ANKRD24: variants seen among roughly 807,000 people sequenced by gnomAD.
ANKRD24 encodes ankyrin repeat domain-containing protein 24.
ANKRD24 carries 109 observed loss-of-function variants against 127.8 expected under a neutral mutation model. That is an observed-to-expected ratio of 0.85 (90% confidence interval 0.73 to 1.00). The LOEUF (loss-of-function observed/expected upper bound fraction) is 1.00, where lower values mean the gene tolerates loss of function less well. Ranked by LOEUF, ANKRD24 falls within the 50% of genes least tolerant of loss-of-function variation. The probability of loss-of-function intolerance (pLI) is 0.00; values close to 1 mark genes in which losing one functional copy is unlikely to be tolerated. For synonymous variants in ANKRD24, 743 were observed against 671.1 expected (o/e 1.11, Z -1.66); for missense variants, 1,648 against 1,570.2 (o/e 1.05, Z -0.84).
chr19:4,199,879 A>G lies in ANKRD24; in HGVS notation c.128A>G (p.Gln43Arg). 6.4e-7 allele frequency: 1 copy of G among 1,570,748 alleles called. No homozygotes were observed. The highest frequency in any genetic ancestry group is 8.6e-7 in the Non-Finnish European group (1 of 1,158,974). ...ACTTCTGGGCGTGCCCTGCAGAGTC[A>G]AGACTGGGGCAAGAGTGACGAGAGG... ...KPAARGRRQS[Q>R]DWGKSDERLL... Residue 43 changes from glutamine (Q) to arginine (R), a missense_variant, in exon 4 of 22, where the codon CAA becomes CGA. By Grantham distance (43) the Gln-to-Arg change is conservative. Transcript: ENST00000318934. This position sits in a 1 kb window ranked among gnomAD's most constrained non-coding sequence, Gnocchi z 5.2.
chr19:4,184,936 A>G (rs1277018719), intron 1 of ANKRD24, among the ~76,000 whole-genome samples: 8 of 126,644 alleles, frequency 6.3e-5, no homozygotes, highest in Non-Finnish European at 1.3e-4. Context: ...GGAAGGATCC[A>G]TGGATGGACT....
chr19:4,208,982 A>C, intron 11 of ANKRD24, 181 bp downstream of exon 11: 36 of 517,824 alleles, frequency 7.0e-5, no homozygotes, highest in East Asian at 2.5e-4. Flanking sequence ...AACTCCCAGA[A>C]CTGGGTGAGA....
At chr19:4,200,800 G>A (rs1418390801) in intron 5 of ANKRD24, among the ~76,000 whole-genome samples, 1 of 152,112 alleles carries the variant, frequency 6.6e-6, no homozygotes, top group Non-Finnish European at 1.5e-5. Flanking sequence ...TGAGATTATA[G>A]GTGTGAGCCA....
chr19:4,188,682 G>A (rs1375884699), intron 2 of ANKRD24, among the ~76,000 whole-genome samples: 3 of 147,382 alleles, frequency 2.0e-5, no homozygotes, highest in Non-Finnish European at 4.5e-5. Context: ...GCCCAGCCAA[G>A]CCTGGGATAG....
rs906000007 is a variant in ANKRD24, at chr19:4,212,592, G to A, written c.1099-8G>A. 1.9e-6 allele frequency: 3 copies of A among 1,550,242 alleles called. No homozygotes were observed. Among genetic ancestry groups the A allele is most frequent in the Admixed American group, 2.0e-5 (1 of 50,894 alleles). ...CAGAGGCAGCTGAGCCTCCACTGCT[G>A]CTCCCAGGTGCAAGAGCTACAGCAG... is the stretch of plus-strand genomic sequence containing the variant. On this transcript the variant is annotated splice_polypyrimidine_tract_variant and splice_region_variant and intron_variant, in intron 14 of 21. Coordinates refer to ENST00000318934, the MANE Select transcript of ANKRD24 (RefSeq NM_001393985.1).
At chr19:4,224,277 G>A (rs1281541231) in intron 21 of ANKRD24, 85 bp downstream of exon 21, 1 of 1,448,720 alleles carries the variant, frequency 6.9e-7, no homozygotes. Flanking sequence ...TCTGTACAGT[G>A]GGAGGCTGGT....
chr19:4,220,175 G>A (rs762006094), intron 19 of ANKRD24, among the ~76,000 whole-genome samples: 13 of 152,072 alleles, frequency 8.5e-5, no homozygotes, highest in African/African-American at 2.9e-4. Flanking sequence ...GTTTCGTCAC[G>A]TTGGCCAGGC....
At position 4,195,912 on chromosome 19, in the gene ANKRD24, GTC is replaced by G. The variant is rs1047519113; in HGVS notation, c.37-3769_37-3768del. On this transcript the variant is annotated intron_variant, in intron 2 of 21. Transcript: ENST00000318934. This position sits in a 1 kb window ranked among gnomAD's most constrained non-coding sequence, Gnocchi z 4.2. The stretch of plus-strand genomic sequence containing the variant: ...CCGTCTCAAAAGAAAAAAAGTAAAA[GTC>G]TAAGAATAATCACGGACCACACCGA... Among the ~76,000 whole-genome samples the G allele has an allele frequency of 6.6e-6, 1 of 152,094 alleles. No homozygotes were observed. The highest frequency in any genetic ancestry group is 1.5e-5 in the Non-Finnish European group (1 of 68,000).
At chr19:4,219,075 C>A in intron 18 of ANKRD24, among the ~76,000 whole-genome samples, 1 of 152,230 alleles carries the variant, frequency 6.6e-6, no homozygotes, top group African/African-American at 2.4e-5. Context: ...CACCTGAGGT[C>A]ACAAGTTCGA....
chr19:4,189,147 T>C (rs1037092654), intron 2 of ANKRD24, among the ~76,000 whole-genome samples: 4 of 152,082 alleles, frequency 2.6e-5, no homozygotes, highest in Non-Finnish European at 5.9e-5. Context: ...TTAATTATCA[T>C]GTACCCATTC....
chr19:4,221,416 G>T (rs1276924418), intron 19 of ANKRD24, among the ~76,000 whole-genome samples: 1 of 151,816 alleles, frequency 6.6e-6, no homozygotes, highest in East Asian at 1.9e-4. Flanking sequence ...TTTGGTAAGA[G>T]ATGGGGTTTC....
intron 1 of ANKRD24, among the ~76,000 whole-genome samples, chr19:4,185,560 T>TGACCTCCGTGCCTGCCC (rs1319009376): frequency 6.6e-6 from 1 of 152,206 alleles, no homozygotes; most frequent in Non-Finnish European, 1.5e-5. Flanking sequence ...TAGGCCTGCC[T>TGACCTCCGTGCCTGCCC]GACCTCCGTG....
At chr19:4,188,601 T>G (rs11666994) in intron 2 of ANKRD24, among the ~76,000 whole-genome samples, 41,364 of 151,592 alleles carry the variant, frequency 0.27, 6,081 homozygotes, top group Non-Finnish European at 0.34. Flanking sequence ...AGGCTGGTCT[T>G]AAACTCCTGG....
At chr19:4,218,275 C>T in intron 18 of ANKRD24, 112 bp downstream of exon 18, 2 of 774,312 alleles carry the variant, frequency 2.6e-6, no homozygotes, top group East Asian at 3.4e-5. Context: ...TTGAACAGAC[C>T]TACTTTATTT....
chr19:4,217,484 G>A lies in ANKRD24; in HGVS notation c.2324G>A (p.Gly775Glu). Residue 775 changes from glycine to glutamate, a missense_variant, in exon 18 of 22, where the codon GGG becomes GAG. Gly to Glu is a moderately conservative substitution (Grantham distance 98, BLOSUM62 -2). Transcript: ENST00000318934. Reference protein sequence around the residue: ...RERVREAEGSGASGGGGGDTT... With the variant: ...RERVREAEGSEASGGGGGDTT... ...CGTGTCCGCGAGGCCGAGGGCAGCG[G>A]GGCCAGCGGGGGCGGTGGCGGTGAC... 1.7e-5 allele frequency: 24 copies of A among 1,419,916 alleles called. No individual in the cohort carries two copies. The highest frequency in any genetic ancestry group is 2.2e-5 in the Non-Finnish European group (24 of 1,092,086). 88.0% of individuals were successfully genotyped at this position (1,419,916 alleles called of 1,614,324 possible).
In ANKRD24 at chr19:4,217,189, T is replaced by C. The variant is rs773986712; in HGVS notation, c.2029T>C (p.Ser677Pro). 3.1e-6 allele frequency: 5 copies of C among 1,609,644 alleles called. No homozygotes were observed. Among genetic ancestry groups the C allele is most frequent in the Non-Finnish European group, 4.2e-6 (5 of 1,177,594 alleles). The change falls in exon 18 of 22, where the codon TCT becomes CCT. Residue 677 changes from serine to proline, a missense_variant. Transcript: ENST00000318934. Reference protein sequence around the residue: ...TGTTNMEATGSRATGMESTGV... With the variant: ...TGTTNMEATGPRATGMESTGV... ...GACCACAAACATGGAGGCCACGGGCTCTAGGGCCACAGGGATGGAATCCAC... is the reference window on the plus strand; with the variant it reads ...GACCACAAACATGGAGGCCACGGGCCCTAGGGCCACAGGGATGGAATCCAC...
intron 19 of ANKRD24, among the ~76,000 whole-genome samples, chr19:4,220,817 A>G (rs1970402682): frequency 6.6e-6 from 1 of 151,838 alleles, no homozygotes; most frequent in African/African-American, 2.4e-5. Flanking sequence ...GGCCTCCCAG[A>G]GTGCTGGGAT....
chr19:4,223,242 C>CT (rs905529026), intron 20 of ANKRD24, among the ~76,000 whole-genome samples: 6 of 150,144 alleles, frequency 4.0e-5, no homozygotes, highest in Non-Finnish European at 5.9e-5. Context: ...CGCCCTCTGC[C>CT]TTTTTTTTGG....
At position 4,205,061 on chromosome 19, in the gene ANKRD24, C is replaced by T. The variant is rs140529152; in HGVS notation, c.466+2135C>T. 2.8e-3 allele frequency among the ~76,000 whole-genome samples: 430 copies of T among 152,272 alleles called. 2 individuals are homozygous for T. Among genetic ancestry groups the T allele is most frequent in the South Asian group, 0.014 (68 of 4,828 alleles). On this transcript the variant is annotated intron_variant, in intron 7 of 21. Coordinates refer to ENST00000318934, the MANE Select transcript of ANKRD24 (RefSeq NM_001393985.1). ...GACCATCCTGGCCAACACGGTGAAACCCTGTCTCTACTAAACAATGCAAAA... is the reference window on the plus strand; with the variant it reads ...GACCATCCTGGCCAACACGGTGAAATCCTGTCTCTACTAAACAATGCAAAA...
Sources: gnomAD v4.1 joint callset for allele counts (sites outside exome capture counted in the v4.1 genomes callset) on GRCh38, gnomAD v4.1.1 for gene constraint, Gnocchi (gnomAD v3.1) non-coding constraint, MANE v1.5 for transcripts, NCBI Gene and HGNC (gene_info 2026-07-23, HGNC 2026-07-21) for gene names.